Variants in CEP164 observed in about 807,000 individuals in gnomAD.
CEP164 encodes the protein centrosomal protein 164, also known as centrosomal protein of 164 kDa.
Under a neutral mutation model 182.7 loss-of-function variants are expected in CEP164, and 162 were observed. The ratio of observed to expected loss-of-function variants is 0.89; its 90% CI spans 0.78 to 1.01. CEP164 has a LOEUF of 1.01. Ranked by LOEUF, CEP164 falls within the 50% of genes least tolerant of loss-of-function variation. The probability of loss-of-function intolerance (pLI) is 0.00; values close to 1 mark genes in which losing one functional copy is unlikely to be tolerated. For synonymous variants in CEP164, 661 were observed against 690.0 expected, an observed-to-expected ratio of 0.96 and a Z score of 0.66; for missense variants, 1,735 against 1,790.4, an observed-to-expected ratio of 0.97 and a Z score of 0.56.
chr11:117,388,486 C>T (rs2044205067), intron 15 of CEP164, among the ~76,000 whole-genome samples: 1 of 152,228 alleles, frequency 6.6e-6, no homozygotes, highest in South Asian at 2.1e-4. Context: ...ATGCCCAAGC[C>T]TTTCTGAGGA....
In CEP164 at chr11:117,410,307, C is replaced by T. The variant is rs1290568327; in HGVS notation, c.4096+342C>T. 6.7e-6 allele frequency: 3 copies of T among 449,064 alleles called. No individual in the cohort carries two copies. In the East Asian group the frequency reaches 1.3e-4, roughly 19 times the overall value. 27.8% of individuals were successfully genotyped at this position (449,064 alleles called of 1,614,324 possible). On this transcript the variant is annotated intron_variant, in intron 30 of 32. Transcript: ENST00000278935. ...TTATCTTAATAGCTACCATCTTGTG[C>T]AATACATGATGGGCCAAGCAGTTTA...
At chr11:117,338,501 C>T (rs745802248) in intron 2 of CEP164, 65 bp from the exon 3 acceptor site, 5 of 1,238,830 alleles carry the variant, frequency 4.0e-6, no homozygotes, top group Non-Finnish European at 4.8e-6. Flanking sequence ...GACCCAGTGC[C>T]AACTTTTCCC....
intron 5 of CEP164, chr11:117,356,365 TGA>T (rs1299522831): frequency 2.5e-5 from 29 of 1,168,560 alleles, no homozygotes; most frequent in Admixed American, 1.1e-4. Flanking sequence ...GCATGGCAGC[TGA>T]GTCTTCTAGG....
chr11:117,356,977 T>C (rs1029776635), intron 5 of CEP164, among the ~76,000 whole-genome samples: 2 of 152,176 alleles, frequency 1.3e-5, no homozygotes, highest in African/African-American at 4.8e-5. Flanking sequence ...TTGGGAAGTT[T>C]TTCCTATCAG....
At position 117,371,112 on chromosome 11, in the gene CEP164, G is replaced by C; in HGVS notation, c.798G>C (p.Lys266Asn). ...TGAGAACAAGCCAGCCAGAGGAGAA[G>C]AAGGATGTTTCTCTGGATTCAGATG... ...ESLRTSQPEE[K>N]KDVSLDSDAA... is the part of the protein sequence containing the mutation. Residue 266 changes from lysine to asparagine, a missense_variant, in exon 9 of 33, where the codon AAG becomes AAC. By Grantham distance (94) the Lys-to-Asn change is moderately conservative (BLOSUM62 0). Coordinates refer to ENST00000278935, the MANE Select transcript of CEP164 (RefSeq NM_014956.5). 6.2e-7 allele frequency: 1 copy of C among 1,608,636 alleles called. No individual in the cohort carries two copies. The highest frequency in any genetic ancestry group is 8.5e-7 in the Non-Finnish European group (1 of 1,176,742).
intron 28 of CEP164, chr11:117,408,673 C>T (rs1404736963): frequency 3.4e-5 from 20 of 594,502 alleles, no homozygotes; most frequent in African/African-American, 5.6e-5. Context: ...ATCACAAGGG[C>T]GACAGCCTAC....
chr11:117,406,877 C>T (rs1194380676), intron 27 of CEP164, among the ~76,000 whole-genome samples: 3 of 151,990 alleles, frequency 2.0e-5, no homozygotes, highest in African/African-American at 2.4e-5. Context: ...GGGTGGATCA[C>T]GAGGTCAGGA....
At chr11:117,378,044 T>C (rs1278895638) in intron 11 of CEP164, among the ~76,000 whole-genome samples, 1 of 151,964 alleles carries the variant, frequency 6.6e-6, no homozygotes, top group East Asian at 1.9e-4. Flanking sequence ...TTTTTTTGTA[T>C]TTTTAGTAGA....
At chr11:117,337,633 C>G (rs1028010321) in intron 2 of CEP164, among the ~76,000 whole-genome samples, 2 of 152,014 alleles carry the variant, frequency 1.3e-5, no homozygotes, top group Non-Finnish European at 2.9e-5. Flanking sequence ...CTGACTGTCT[C>G]TTCTTCATTC....
rs2047439512 is a variant in CEP164 at position 117,412,240 on chromosome 11, C to G, written c.*72C>G. The G allele has an allele frequency of 1.5e-6, 2 of 1,366,878 alleles. No homozygotes were observed. The highest frequency in any genetic ancestry group is 4.2e-5 in the Admixed American group (2 of 47,772). The allele number at this position is 1,366,878 out of a possible 1,614,324, so 84.7% of individuals were successfully genotyped here. On this transcript the variant is annotated 3_prime_UTR_variant, in exon 33 of 33. Transcript: ENST00000278935. ...ACCAAGTGCCTGAGGAGCTGCCTGC[C>G]TTCTTCCATCTGAGAAAGCACCCTC...
intron 27 of CEP164, among the ~76,000 whole-genome samples, chr11:117,400,179 G>A (rs1783419936): frequency 6.6e-6 from 1 of 152,106 alleles, no homozygotes; most frequent in Non-Finnish European, 1.5e-5. Flanking sequence ...GTAAGGAAGG[G>A]GTCCAGTTTC....
At position 117,411,624 on chromosome 11, in the gene CEP164, G is replaced by T; in HGVS notation, c.4164-171G>T. On this transcript the variant is annotated intron_variant, in intron 31 of 32. Transcript: ENST00000278935. The surrounding 1 kb of genome is among the most constrained non-coding windows in gnomAD (Gnocchi z 4.4). ...TCCACCACTTTCCCGTTTGGGAACT[G>T]TTCTGGAGGGGCAGATGTTTTGAAG... 1 of 876,394 alleles carries T rather than the reference G, an allele frequency of 1.1e-6. No homozygotes were observed. Among genetic ancestry groups the T allele is most frequent in the Non-Finnish European group, 1.7e-6 (1 of 589,706 alleles). 54.3% of individuals were successfully genotyped at this position (876,394 alleles called of 1,614,324 possible). A position where few individuals can be genotyped will look rare whatever the true frequency, so the allele number is the denominator to read the frequency against.
chr11:117,387,447 C>A (rs762563692), intron 15 of CEP164, 35 bp downstream of exon 15: 1 of 1,599,862 alleles, frequency 6.3e-7, no homozygotes, highest in Middle Eastern at 1.7e-4. Context: ...CTTCCTGGGG[C>A]CTTTCAGGGA....
chr11:117,360,946 T>C (rs1227734780), intron 5 of CEP164, among the ~76,000 whole-genome samples: 2 of 150,788 alleles, frequency 1.3e-5, no homozygotes, highest in African/African-American at 4.9e-5. Flanking sequence ...CTTTTTTTTT[T>C]TTTTTTGAGA....
chr11:117,392,020 C>G (rs1187889971), intron 17 of CEP164, among the ~76,000 whole-genome samples: 3 of 152,252 alleles, frequency 2.0e-5, no homozygotes, highest in African/African-American at 7.2e-5. Flanking sequence ...ATGCCCCTCT[C>G]CTCTGACCTT....
chr11:117,395,870 G>C, intron 24 of CEP164, 148 bp downstream of exon 24: 1 of 1,219,160 alleles, frequency 8.2e-7, no homozygotes. Context: ...CATTTTGTAG[G>C]GAGTTGGGGT....
intron 2 of CEP164, chr11:117,336,134 A>T (rs1391155118): frequency 1.3e-6 from 2 of 1,557,008 alleles, no homozygotes; most frequent in Non-Finnish European, 1.7e-6. Context: ...CCAGTACAAC[A>T]TGGCTTCTGA....
intron 3 of CEP164, among the ~76,000 whole-genome samples, chr11:117,342,251 C>T (rs565004033): frequency 1.1e-4 from 17 of 152,242 alleles, no homozygotes; most frequent in Non-Finnish European, 2.4e-4. Context: ...AGTCTCTGGC[C>T]AATCAAGTTC....
intron 20 of CEP164, 115 bp downstream of exon 20, chr11:117,393,241 T>A (rs1048087391): frequency 1.4e-6 from 2 of 1,403,466 alleles, no homozygotes; most frequent in African/African-American, 2.8e-5. Context: ...CCCGGGGTCC[T>A]TCCCACCTGG....
Sources: gnomAD v4.1 joint callset for allele counts (sites outside exome capture counted in the v4.1 genomes callset) on GRCh38, gnomAD v4.1.1 for gene constraint, Gnocchi (gnomAD v3.1) non-coding constraint, MANE v1.5 for transcripts, NCBI Gene and HGNC (gene_info 2026-07-23, HGNC 2026-07-21) for gene names.